The following CERS3 variants were observed in gnomAD, a reference collection of about 807,000 sequenced individuals.
The protein encoded by CERS3 is ceramide synthase 3.
Under a neutral mutation model 50.3 loss-of-function variants are expected in CERS3, and 33 were observed. That is an observed-to-expected ratio of 0.66 (90% CI 0.50 to 0.88). The LOEUF is 0.88. Among genes scored for constraint, CERS3 ranks in the 40% least tolerant of loss-of-function variants. CERS3 has a pLI of 0.00. For synonymous variants in CERS3, 176 were observed against 155.2 expected (o/e 1.13, Z -0.99); for missense variants, 470 against 460.3 (o/e 1.02, Z -0.19).
At chr15:100,438,334 T>G (rs1323355708) in intron 11 of CERS3, among the ~76,000 whole-genome samples, 2 of 152,150 alleles carry the variant, frequency 1.3e-5, no homozygotes, top group Non-Finnish European at 2.9e-5. Flanking sequence ...CATAAGCCAC[T>G]GTGCCCGGCC....
intron 2 of CERS3, among the ~76,000 whole-genome samples, chr15:100,515,667 T>C (rs1231480228): frequency 2.6e-5 from 4 of 151,748 alleles, no homozygotes; most frequent in Admixed American, 2.6e-4. Flanking sequence ...AATCTTAGGG[T>C]TCAAAAAAAG....
intron 4 of CERS3, among the ~76,000 whole-genome samples, chr15:100,489,011 G>A (rs2587773): frequency 0.86 from 130,610 of 152,138 alleles, 57,453 homozygotes; most frequent in East Asian, 0.99. Flanking sequence ...TCCAGACCTC[G>A]TGATCCACCC....
chr15:100,468,864 T>C (rs770519775), intron 10 of CERS3, among the ~76,000 whole-genome samples: 1 of 152,168 alleles, frequency 6.6e-6, no homozygotes, highest in Non-Finnish European at 1.5e-5. Flanking sequence ...CCAGTGGTCA[T>C]AGAGAATGAA....
At chr15:100,504,752 A>G (rs941639861) in intron 2 of CERS3, among the ~76,000 whole-genome samples, 1 of 152,180 alleles carries the variant, frequency 6.6e-6, no homozygotes, top group Non-Finnish European at 1.5e-5. Context: ...ACAAAGGTGC[A>G]GTAAGAGCTG....
chr15:100,531,120 T>C (rs1385538103), upstream of CERS3, among the ~76,000 whole-genome samples: 1 of 152,068 alleles, frequency 6.6e-6, no homozygotes, highest in African/African-American at 2.4e-5. Flanking sequence ...AAAACCAATA[T>C]TGTAGAACCA....
intron 1 of CERS3, among the ~76,000 whole-genome samples, chr15:100,522,972 A>C (rs1238829388): frequency 1.3e-5 from 2 of 152,218 alleles, no homozygotes; most frequent in Non-Finnish European, 2.9e-5. Context: ...CCAGTGGTTT[A>C]ATATCCTTGC....
intron 11 of CERS3, among the ~76,000 whole-genome samples, chr15:100,443,143 TC>T (rs2033766334): frequency 6.7e-6 from 1 of 150,326 alleles, no homozygotes; most frequent in Non-Finnish European, 1.5e-5. Flanking sequence ...ATCCAAAGCC[TC>T]CTTTGCGTCC....
chr15:100,429,471 C>T (rs771966472), intron 11 of CERS3, among the ~76,000 whole-genome samples: 3 of 152,158 alleles, frequency 2.0e-5, no homozygotes, highest in Non-Finnish European at 2.9e-5. Flanking sequence ...CTCTTTACAA[C>T]AACCCTAGCA....
intron 8 of CERS3, 173 bp downstream of exon 8, chr15:100,475,913 A>G (rs1273749825): frequency 5.7e-6 from 2 of 352,668 alleles, no homozygotes; most frequent in South Asian, 6.6e-5. Context: ...ATGTTTACCA[A>G]GGCACCAAAG....
rs185908306 is a variant in CERS3 at position 100,443,559 on chromosome 15, T to G, written c.999+12334A>C. ...GATCTCAAACATGCTTTCTTTACTA[T>G]TCCTTTGCACCCTTCATCCCAGCCT... is the stretch of plus-strand genomic sequence containing the variant. On this transcript the variant is annotated intron_variant, in intron 11 of 11. Transcript: ENST00000679737. Among the ~76,000 whole-genome samples the G allele has an allele frequency of 8.5e-4, 127 of 150,194 alleles. 1 individual carries two copies. The East Asian group carries it at 0.024, about 28-fold the overall frequency.
rs116045687 is a variant in CERS3, at chr15:100,518,815, C to T, written c.-2+2852G>A. On this transcript the variant is annotated intron_variant, in intron 2 of 11. Transcript: ENST00000679737. ...ATCTTCATTTGGGGTCAATGTGTTCCTAAGCCTTCTTTTTAAAATGCTTTC... is the reference window on the plus strand; with the variant it reads ...ATCTTCATTTGGGGTCAATGTGTTCTTAAGCCTTCTTTTTAAAATGCTTTC... 7.9e-3 allele frequency among the ~76,000 whole-genome samples: 1,205 copies of T among 152,332 alleles called. 10 individuals are homozygous for T. Among genetic ancestry groups the T allele is most frequent in the African/African-American group, 0.027 (1,106 of 41,572 alleles).
At chr15:100,537,255 A>G (rs1217576675) in intron 1 of CERS3, among the ~76,000 whole-genome samples, 2 of 152,262 alleles carry the variant, frequency 1.3e-5, no homozygotes, top group African/African-American at 4.8e-5. Context: ...ACTATGACCC[A>G]TTCCCAAGAA....
chr15:100,442,480 T>A (rs997131396), intron 11 of CERS3, among the ~76,000 whole-genome samples: 2 of 152,186 alleles, frequency 1.3e-5, no homozygotes, highest in African/African-American at 2.4e-5. Context: ...CAGCCACATC[T>A]CCAGCACACA....
chr15:100,428,513 G>A (rs914464656), intron 11 of CERS3, among the ~76,000 whole-genome samples: 2 of 152,200 alleles, frequency 1.3e-5, no homozygotes, highest in Admixed American at 6.5e-5. Context: ...CCCATTGTGG[G>A]ACGTCTAGCA....
At chr15:100,469,548 T>C in intron 9 of CERS3, 64 bp from the exon 10 acceptor site, 3 of 1,156,960 alleles carry the variant, frequency 2.6e-6, no homozygotes, top group Non-Finnish European at 3.8e-6. Context: ...GTTAAATTTA[T>C]AAATGAAATG....
chr15:100,417,906 A>G lies in CERS3; in HGVS notation c.1000-15041T>C, dbSNP rs1475928319. On this transcript the variant is annotated intron_variant, in intron 11 of 11. Coordinates refer to ENST00000679737, the MANE Select transcript of CERS3 (RefSeq NM_001378789.1). ...GAAGGAAAACTAACAAACAGAAAGG[A>G]CATCCACACCGAAAACCCATCTGTA... Among the ~76,000 whole-genome samples the G allele has an allele frequency of 2.0e-5, 3 of 152,052 alleles. 1 individual carries two copies. The highest frequency in any genetic ancestry group is 7.3e-5 in the African/African-American group (3 of 41,304).
rs375772958 is a variant in CERS3, at chr15:100,402,679, C to A, written c.*34G>T. The A allele has an allele frequency of 6.2e-7, 1 of 1,604,078 alleles. No individual in the cohort carries two copies. The highest frequency in any genetic ancestry group is 2.2e-5 in the East Asian group (1 of 44,678). On this transcript the variant is annotated 3_prime_UTR_variant, in exon 12 of 12. Coordinates refer to ENST00000679737, the MANE Select transcript of CERS3 (RefSeq NM_001378789.1). Reference sequence around the variant, plus strand: ...GCCAGGCTGCCAACAGTACTTGCAGCATGCTGTGCCATGGGAGTCCTGTAG... The same window carrying A: ...GCCAGGCTGCCAACAGTACTTGCAGAATGCTGTGCCATGGGAGTCCTGTAG...
chr15:100,530,137 G>C (rs149002008), upstream of CERS3, among the ~76,000 whole-genome samples: 58 of 152,346 alleles, frequency 3.8e-4, no homozygotes, highest in African/African-American at 1.3e-3. Context: ...ATTTAAAGCA[G>C]ACTTGGCCAC....
chr15:100,426,423 G>A (rs999283379), intron 11 of CERS3, among the ~76,000 whole-genome samples: 6 of 152,082 alleles, frequency 3.9e-5, no homozygotes, highest in Non-Finnish European at 7.4e-5. Flanking sequence ...TCTAATGCCC[G>A]TAACTATATC....
Sources: allele counts gnomAD v4.1 joint callset (sites outside exome capture counted in the v4.1 genomes callset), GRCh38; gene constraint gnomAD v4.1.1; transcripts MANE v1.5; gene names NCBI Gene and HGNC (gene_info 2026-07-23, HGNC 2026-07-21).